PAH: variants seen among roughly 807,000 people sequenced by gnomAD.
The protein encoded by PAH is phenylalanine-4-hydroxylase.
A neutral mutation model predicts 62.0 loss-of-function variants in PAH; 64 were observed. The ratio of observed to expected loss-of-function variants is 1.03; its 90% CI spans 0.84 to 1.27. PAH has a LOEUF of 1.27. PAH is among the 50% of genes most tolerant of loss of function. The pLI is 0.00. For missense variants in PAH, 579 were observed against 542.8 expected (o/e 1.07, Z -0.66); for synonymous variants, 195 against 196.2 (o/e 0.99, Z 0.05).
At chr12:102,842,231 C>T (rs911610511) in intron 11 of PAH, among the ~76,000 whole-genome samples, 1 of 152,020 alleles carries the variant, frequency 6.6e-6, no homozygotes, top group African/African-American at 2.4e-5. Flanking sequence ...AGCTCCAATG[C>T]CTGGGTCCAA....
chr12:102,857,897 C>T (rs12297049), intron 5 of PAH, among the ~76,000 whole-genome samples: 97,048 of 152,024 alleles, frequency 0.64, 32,276 homozygotes, highest in African/African-American at 0.77. Context: ...CCATTGATTC[C>T]GGGAAGAAAC....
intron 1 of PAH, among the ~76,000 whole-genome samples, chr12:102,937,168 C>T (rs1239907016): frequency 6.6e-6 from 1 of 152,136 alleles, no homozygotes; most frequent in Non-Finnish European, 1.5e-5. Flanking sequence ...AAATCTCTTT[C>T]CTTTGTAAAT....
At chr12:102,889,777 G>C (rs1401084725) in intron 3 of PAH, among the ~76,000 whole-genome samples, 1 of 152,172 alleles carries the variant, frequency 6.6e-6, no homozygotes, top group Non-Finnish European at 1.5e-5. Context: ...CATTGTGTCT[G>C]TCTGCTTCTC....
At chr12:102,952,507 T>A (rs780397375), upstream of PAH, among the ~76,000 whole-genome samples, 13 of 152,112 alleles carry the variant, frequency 8.5e-5, no homozygotes, top group Non-Finnish European at 1.5e-4. Flanking sequence ...CCTACAAAAG[T>A]TTAGAATGTA....
chr12:102,856,033 A>T (rs947879174), intron 5 of PAH, among the ~76,000 whole-genome samples: 2 of 135,284 alleles, frequency 1.5e-5, no homozygotes, highest in Non-Finnish European at 3.1e-5. Context: ...ATATAATTGT[A>T]TATAATTAAA....
chr12:102,901,375 C>T (rs970660302), intron 2 of PAH, among the ~76,000 whole-genome samples: 1 of 152,148 alleles, frequency 6.6e-6, no homozygotes, highest in African/African-American at 2.4e-5. Context: ...TTTTACCTGG[C>T]AGCTTAATGA....
At chr12:102,879,441 G>A (rs1876725524) in intron 3 of PAH, among the ~76,000 whole-genome samples, 2 of 151,908 alleles carry the variant, frequency 1.3e-5, no homozygotes, top group African/African-American at 4.8e-5. Flanking sequence ...AGGAGCCTCA[G>A]GAGGAGCAGC....
At chr12:102,878,261 ATCTT>A (rs1008314459) in intron 3 of PAH, among the ~76,000 whole-genome samples, 1 of 152,196 alleles carries the variant, frequency 6.6e-6, no homozygotes, top group Non-Finnish European at 1.5e-5. Flanking sequence ...CTGCAGCAAA[ATCTT>A]TCGATCGCAA....
chr12:102,894,659 TTAAA>T, intron 3 of PAH, 72 bp downstream of exon 3: 3 of 1,130,772 alleles, frequency 2.7e-6, no homozygotes, highest in Non-Finnish European at 4.0e-6. Context: ...AAATATGCTG[TTAAA>T]TATGTATATT....
chr12:102,844,240 G>A (rs998183251), intron 10 of PAH, 96 bp downstream of exon 10: 4 of 870,786 alleles, frequency 4.6e-6, no homozygotes, highest in Admixed American at 3.9e-5. Context: ...ATATCAAAAC[G>A]GATACAAATA....
At chr12:102,905,880 T>C (rs1450022712) in intron 2 of PAH, among the ~76,000 whole-genome samples, 1 of 146,784 alleles carries the variant, frequency 6.8e-6, no homozygotes, top group Non-Finnish European at 1.5e-5. Context: ...CATGAAAAAA[T>C]GACTGAAAGT....
rs143041225 is a variant in PAH at position 102,868,032 on chromosome 12, A to G, written c.442-1369T>C. ...TATACATATATACATATATACATGTATATACACCTATATATATGTATATAT... is the reference window on the plus strand; with the variant it reads ...TATACATATATACATATATACATGTGTATACACCTATATATATGTATATAT... On this transcript the variant is annotated intron_variant, in intron 4 of 12. Transcript: ENST00000553106. Among the ~76,000 whole-genome samples the G allele has an allele frequency of 5.9e-4, 73 of 123,520 alleles. 22 individuals are homozygous for G. The highest frequency in any genetic ancestry group is 2.3e-3 in the African/African-American group (69 of 30,020). The allele number at this position is 123,520 out of a possible 152,430, so 81.0% of individuals were successfully genotyped here.
chr12:102,867,957 AGATG>A (rs1306283218), intron 4 of PAH, among the ~76,000 whole-genome samples: 1 of 138,526 alleles, frequency 7.2e-6, no homozygotes, highest in Admixed American at 7.9e-5. Flanking sequence ...ATACATATAT[AGATG>A]TATATATACA....
chr12:102,902,227 A>G (rs772899), intron 2 of PAH, among the ~76,000 whole-genome samples: 150,658 of 152,338 alleles, frequency 0.99, 74,502 homozygotes, highest in East Asian at 1. Context: ...CAACAAGGAG[A>G]CCGGTGTGAC....
Position 102,855,149 on chromosome 12 carries a change from A to G in PAH, c.693T>C (p.Ser231=), listed in dbSNP as rs1592954345. ...EDNIPQLEDV[S]QFLQTCTGFR... ...ATGTGGACTTACTCTGCAGGAACTG[A>G]GAAACGTCTTCCAGCTGGGGAATGT... Residue 231 remains serine (S), a synonymous_variant, in exon 6 of 13, where the codon TCT becomes TCC. Transcript: ENST00000553106. The G allele has an allele frequency of 6.2e-7, 1 of 1,613,874 alleles. No individual in the cohort carries two copies. The highest frequency in any genetic ancestry group is 1.3e-5 in the African/African-American group (1 of 74,906).
Position 102,877,563 on chromosome 12 carries a change from G to T in PAH, c.353-13C>A. 6.2e-7 allele frequency: 1 copy of T among 1,601,890 alleles called. No individual in the cohort carries two copies. The highest frequency in any genetic ancestry group is 8.6e-7 in the Non-Finnish European group (1 of 1,168,852). On this transcript the variant is annotated splice_polypyrimidine_tract_variant and intron_variant, in intron 3 of 12. Transcript: ENST00000553106. ...GGGAACCAGGGCACTGAAACACAGA[G>T]AAGGCAACGTCCTGAGTACAGATTG... is the stretch of plus-strand genomic sequence containing the variant.
intron 6 of PAH, among the ~76,000 whole-genome samples, chr12:102,853,855 A>G (rs117726924): frequency 0.018 from 2,673 of 152,336 alleles, 43 homozygotes; most frequent in Middle Eastern, 0.068. Flanking sequence ...CAATAGCCCT[A>G]TGAAGTAGAC....
At chr12:102,873,377 C>G (rs1260153238) in intron 4 of PAH, among the ~76,000 whole-genome samples, 1 of 152,202 alleles carries the variant, frequency 6.6e-6, no homozygotes, top group African/African-American at 2.4e-5. Flanking sequence ...AATGAGTGGG[C>G]TCCAAGGAGT....
intron 2 of PAH, among the ~76,000 whole-genome samples, chr12:102,896,569 G>A (rs1198503063): frequency 6.6e-6 from 1 of 152,176 alleles, no homozygotes; most frequent in Non-Finnish European, 1.5e-5. Context: ...ACGTGAAGGT[G>A]GCTATGTCTA....
Sources: allele counts gnomAD v4.1 joint callset (sites outside exome capture counted in the v4.1 genomes callset), GRCh38; gene constraint gnomAD v4.1.1; transcripts MANE v1.5; gene names NCBI Gene and HGNC (gene_info 2026-07-23, HGNC 2026-07-21).